Variants in GLG1 observed in about 807,000 individuals in gnomAD.
GLG1 encodes Golgi apparatus protein 1.
Under a neutral mutation model 160.5 loss-of-function variants are expected in GLG1, and 38 were observed. The observed-to-expected ratio is 0.24, with a 90% confidence interval of 0.18 to 0.31. GLG1 has a LOEUF of 0.31. Among genes scored for constraint, GLG1 ranks in the 10% least tolerant of loss-of-function variants. The pLI is 1.00. For synonymous variants in GLG1, 644 were observed against 543.4 expected, an observed-to-expected ratio of 1.19 and a Z score of -2.57; for missense variants, 1,373 against 1,505.2, an observed-to-expected ratio of 0.91 and a Z score of 1.45.
At chr16:74,537,079 T>C (rs546540408) in intron 1 of GLG1, among the ~76,000 whole-genome samples, 60 of 152,332 alleles carry the variant, frequency 3.9e-4, no homozygotes, top group African/African-American at 1.4e-3. Flanking sequence ...GTATAATAAA[T>C]AGCTGCTAAT....
chr16:74,478,932 G>A (rs11640021), intron 11 of GLG1, among the ~76,000 whole-genome samples: 34,580 of 142,490 alleles, frequency 0.24, 4,568 homozygotes, highest in Middle Eastern at 0.35. Context: ...TTGGCCAGGC[G>A]CAGTGGCTCA....
intron 1 of GLG1, among the ~76,000 whole-genome samples, chr16:74,534,000 G>A (rs1385486908): frequency 6.6e-6 from 1 of 151,992 alleles, no homozygotes; most frequent in Non-Finnish European, 1.5e-5. Context: ...GAAGAAAAAG[G>A]TTTCCCTATG....
chr16:74,573,641 G>A (rs1485110777), intron 1 of GLG1, among the ~76,000 whole-genome samples: 2 of 125,996 alleles, frequency 1.6e-5, no homozygotes, highest in African/African-American at 6.2e-5. Flanking sequence ...GCCCAGGCTC[G>A]ACCTCCTGGG....
At position 74,499,779 on chromosome 16, in the gene GLG1, G is replaced by A. The variant is rs916454862; in HGVS notation, c.775-3135C>T. Among the ~76,000 whole-genome samples, 3 of 152,140 alleles carry A rather than the reference G, an allele frequency of 2.0e-5. No individual in the cohort carries two copies. The East Asian group carries it at 5.8e-4, about 29-fold the overall frequency. Reference sequence around the variant, plus strand: ...AGCGCTTTGGGAGGCCGAGGCAGGTGGATCACAAGGTCAGGAGATAGAGAC... The same window carrying A: ...AGCGCTTTGGGAGGCCGAGGCAGGTAGATCACAAGGTCAGGAGATAGAGAC... On this transcript the variant is annotated intron_variant, in intron 4 of 25. Coordinates refer to ENST00000422840, the MANE Select transcript of GLG1 (RefSeq NM_001145667.2).
At chr16:74,563,540 T>A (rs560371902) in intron 1 of GLG1, among the ~76,000 whole-genome samples, 34 of 151,664 alleles carry the variant, frequency 2.2e-4, no homozygotes, top group Non-Finnish European at 4.6e-4. Context: ...ACCAGCCTGG[T>A]CAAAATGGGA....
chr16:74,488,619 T>C (rs1452436554), intron 8 of GLG1, among the ~76,000 whole-genome samples: 1 of 152,058 alleles, frequency 6.6e-6, no homozygotes, highest in African/African-American at 2.4e-5. Context: ...TATTTTAATG[T>C]TTTAATTTTT....
intron 6 of GLG1, among the ~76,000 whole-genome samples, chr16:74,494,231 C>A (rs1212544472): frequency 5.9e-5 from 9 of 151,568 alleles, no homozygotes; most frequent in Admixed American, 4.6e-4. Context: ...ACAGTGAGAA[C>A]CCTACTTGGC....
chr16:74,541,651 C>T (rs547565360), intron 1 of GLG1, among the ~76,000 whole-genome samples: 45 of 152,166 alleles, frequency 3.0e-4, no homozygotes, highest in Non-Finnish European at 5.7e-4. Context: ...CAAATATATG[C>T]GACCACTAGC....
Position 74,485,817 on chromosome 16 carries a change from T to C in GLG1, c.1550A>G (p.His517Arg). Reference sequence around the variant, plus strand: ...TTACATTGGGTCTCCAGATCTTATATGTTTGCAGGCTGTCTGGATTACAGA... The same window carrying C: ...TTACATTGGGTCTCCAGATCTTATACGTTTGCAGGCTGTCTGGATTACAGA... The part of the protein sequence containing the change: ...CESVIQTACK[H>R]IRSGDPMILS... Residue 517 changes from histidine to arginine, a missense_variant, in exon 9 of 26, where the codon CAT becomes CGT. His to Arg is a conservative substitution (Grantham distance 29). Around this residue, in one of 4 missense-constraint regions of GLG1, gnomAD observed 386 missense variants for 388.5 expected, o/e 0.99. Coordinates refer to ENST00000422840, the MANE Select transcript of GLG1 (RefSeq NM_001145667.2). The C allele has an allele frequency of 3.7e-6, 6 of 1,613,344 alleles. No homozygotes were observed. In the South Asian group the frequency reaches 4.4e-5, roughly 12 times the overall value.
At chr16:74,464,935 C>T (rs563747234) in intron 19 of GLG1, among the ~76,000 whole-genome samples, 1 of 152,280 alleles carries the variant, frequency 6.6e-6, no homozygotes, top group East Asian at 1.9e-4. Flanking sequence ...CTGCGCCTCC[C>T]AGGAGCGATT....
chr16:74,569,698 C>T (rs748498655), intron 1 of GLG1, among the ~76,000 whole-genome samples: 1 of 151,826 alleles, frequency 6.6e-6, no homozygotes, highest in African/African-American at 2.4e-5. Flanking sequence ...CGCATCTCTA[C>T]TAAAAATACA....
At chr16:74,496,682 T>C (rs2143412056) in intron 4 of GLG1, 38 bp from the exon 5 acceptor site, 1 of 1,310,962 alleles carries the variant, frequency 7.6e-7, no homozygotes, top group Non-Finnish European at 1.1e-6. Context: ...AAAACTTTTA[T>C]CACATGGGTT....
chr16:74,486,925 C>CAG (rs1421186879), intron 8 of GLG1, among the ~76,000 whole-genome samples: 1 of 82,190 alleles, frequency 1.2e-5, no homozygotes, highest in Non-Finnish European at 3.2e-5. Flanking sequence ...TTTTTTTTTT[C>CAG]CCCCCCGAGA....
intron 12 of GLG1, among the ~76,000 whole-genome samples, chr16:74,475,450 G>C (rs1450452543): frequency 6.6e-6 from 1 of 152,180 alleles, no homozygotes; most frequent in Admixed American, 6.5e-5. Flanking sequence ...GATAGCTCCT[G>C]CAAGTCAGAT....
At chr16:74,459,092 C>T (rs764737993) in intron 23 of GLG1, among the ~76,000 whole-genome samples, 37 of 152,176 alleles carry the variant, frequency 2.4e-4, no homozygotes, top group Non-Finnish European at 4.7e-4. Flanking sequence ...GGAAAATATA[C>T]GGATCTAGCT....
chr16:74,498,852 TG>T (rs1359666735), intron 4 of GLG1, among the ~76,000 whole-genome samples: 4 of 81,094 alleles, frequency 4.9e-5, no homozygotes, highest in Non-Finnish European at 8.6e-5. Flanking sequence ...ACAACAAGAG[TG>T]AACTCCGTCT....
chr16:74,468,811 A>G, intron 17 of GLG1, 135 bp downstream of exon 17: 1 of 663,444 alleles, frequency 1.5e-6, no homozygotes, highest in Non-Finnish European at 2.8e-6. Context: ...TCGTATGTTA[A>G]AACTTTTGCA....
Position 74,606,969 on chromosome 16 carries a change from G to A in GLG1, c.126C>T (p.Pro42=). 1 of 1,608,228 alleles carries A rather than the reference G, an allele frequency of 6.2e-7. No individual in the cohort carries two copies. The highest frequency in any genetic ancestry group is 8.5e-7 in the Non-Finnish European group (1 of 1,178,836). ...CTACGAAGGACACAAAGTTGGCCCCGGGACCCTGGCCCTGGCTGTGGACGC... is the reference window on the plus strand; with the variant it reads ...CTACGAAGGACACAAAGTTGGCCCCAGGACCCTGGCCCTGGCTGTGGACGC... ...GQGVHSQGQG[P]GANFVSFVGQ... The change falls in exon 1 of 26, where the codon CCC becomes CCT. Residue 42 remains proline (P), a synonymous_variant. Coordinates refer to ENST00000422840, the MANE Select transcript of GLG1 (RefSeq NM_001145667.2).
At chr16:74,515,333 C>T (rs576693442) in intron 2 of GLG1, among the ~76,000 whole-genome samples, 3 of 152,300 alleles carry the variant, frequency 2.0e-5, no homozygotes, top group South Asian at 4.1e-4. Context: ...CCCAAATCAA[C>T]AGAATATACA....
Sources: allele counts gnomAD v4.1 joint callset (sites outside exome capture counted in the v4.1 genomes callset), GRCh38; gene constraint gnomAD v4.1.1; regional missense constraint gnomAD v4.1.1; transcripts MANE v1.5; gene names NCBI Gene and HGNC (gene_info 2026-07-23, HGNC 2026-07-21).